TET2: variants seen among roughly 807,000 people sequenced by gnomAD.
TET2 encodes methylcytosine dioxygenase TET2.
In TET2, 299 loss-of-function variants were observed where a neutral mutation model predicts 142.9. The ratio of observed to expected loss-of-function variants is 2.09; its 90% CI spans 1.90 to 2.30. The LOEUF is 2.30. TET2 is among the 30% of genes most tolerant of loss of function. The probability of loss-of-function intolerance (pLI) is 0.00; values close to 1 mark genes in which losing one functional copy is unlikely to be tolerated. For missense variants in TET2, 2,418 were observed against 2,378.0 expected, an observed-to-expected ratio of 1.02 and a Z score of -0.35; for synonymous variants, 819 against 849.0, an observed-to-expected ratio of 0.96 and a Z score of 0.61.
At chr4:105,245,166 G>C (rs1422286454) in intron 6 of TET2, among the ~76,000 whole-genome samples, 2 of 152,086 alleles carry the variant, frequency 1.3e-5, no homozygotes, top group African/African-American at 2.4e-5. Flanking sequence ...CTTTAGAAAA[G>C]TTACTCTTTC....
At chr4:105,188,413 A>G (rs1725587692) in intron 1 of TET2, among the ~76,000 whole-genome samples, 1 of 152,196 alleles carries the variant, frequency 6.6e-6, no homozygotes, top group African/African-American at 2.4e-5. Context: ...ATTTCTGTTT[A>G]GGAAGATGAA....
intron 2 of TET2, among the ~76,000 whole-genome samples, chr4:105,217,957 A>T (rs1727592775): frequency 6.6e-6 from 1 of 152,102 alleles, no homozygotes; most frequent in Non-Finnish European, 1.5e-5. Flanking sequence ...TCAAAAATTC[A>T]GAAACCCAAT....
In TET2 at chr4:105,188,067, C is replaced by A. The variant is rs1048477353; in HGVS notation, c.-192-2293C>A. On this transcript the variant is annotated intron_variant, in intron 1 of 10. Transcript: ENST00000380013. ...ACAAAAACTTATAAACATTGTATAT[C>A]CATGTTTGTTGCAGCATTATTCACA... Among the ~76,000 whole-genome samples, 3 of 152,136 alleles carry A rather than the reference C, an allele frequency of 2.0e-5. 1 individual carries two copies. The South Asian group carries it at 6.2e-4, about 32-fold the overall frequency.
rs1728744975 is a variant in TET2, at chr4:105,234,885, T to TA, written c.943_944insA (p.Ser315TyrfsTer16). 1 of 1,613,992 alleles carries TA rather than the reference T, an allele frequency of 6.2e-7. No individual in the cohort carries two copies. Among genetic ancestry groups the TA allele is most frequent in the Admixed American group, 1.7e-5 (1 of 59,994 alleles). On this transcript the variant is annotated frameshift_variant, in exon 3 of 11. Transcript: ENST00000380013. LOFTEE classifies it high-confidence loss of function. ...ACTAGCTGCAATGCTAAATACCTGT[T>TA]CCTTTCAGAAACCAGAACAACTACA...
chr4:105,197,971 T>C (rs1726189083), intron 2 of TET2, among the ~76,000 whole-genome samples: 1 of 152,218 alleles, frequency 6.6e-6, no homozygotes, highest in Admixed American at 6.5e-5. Flanking sequence ...TGATGTTTAT[T>C]TTATTAGTAA....
chr4:105,206,888 G>A (rs1726856197), intron 2 of TET2, among the ~76,000 whole-genome samples: 1 of 152,040 alleles, frequency 6.6e-6, no homozygotes. Flanking sequence ...CTGCTTTCAA[G>A]GAAATTTAAA....
chr4:105,163,559 A>T (rs1357800327), intron 1 of TET2, among the ~76,000 whole-genome samples: 1 of 152,150 alleles, frequency 6.6e-6, no homozygotes, highest in East Asian at 1.9e-4. Context: ...TACCATGCTA[A>T]GCACTTTCCA....
At chr4:105,212,727 C>T (rs1016431699) in intron 2 of TET2, among the ~76,000 whole-genome samples, 6 of 152,102 alleles carry the variant, frequency 3.9e-5, no homozygotes, top group South Asian at 2.1e-4. Context: ...CGGTAGCTCA[C>T]GCCTGTAATC....
rs929296860 is a variant in TET2 at position 105,146,964 on chromosome 4, G to A, written c.-208G>A. 1.3e-5 allele frequency: 2 copies of A among 152,324 alleles called. No individual in the cohort carries two copies. The highest frequency in any genetic ancestry group is 2.9e-5 in the Non-Finnish European group (2 of 68,084). The allele number at this position is 152,324 out of a possible 1,614,324, so 9.4% of individuals were successfully genotyped here. A position where few individuals can be genotyped will look rare whatever the true frequency, so the allele number is the denominator to read the frequency against. On this transcript the variant is annotated 5_prime_UTR_variant, in exon 1 of 11. Coordinates refer to ENST00000380013, the MANE Select transcript of TET2 (RefSeq NM_001127208.3). Reference sequence around the variant, plus strand: ...GCAACTGCTGGATTGCTGCAAGGCTGAGGGACGAGAACGAGGTCAGAGCGC... The same window carrying A: ...GCAACTGCTGGATTGCTGCAAGGCTAAGGGACGAGAACGAGGTCAGAGCGC...
chr4:105,272,949 A>G, intron 10 of TET2, 31 bp downstream of exon 10: 1 of 1,470,214 alleles, frequency 6.8e-7, no homozygotes, highest in East Asian at 2.5e-5. Flanking sequence ...TTGTAGATAA[A>G]TGTGTTGTGT....
intron 10 of TET2, 39 bp from the exon 11 acceptor site, chr4:105,275,008 CA>C (rs749349795): frequency 1.4e-5 from 21 of 1,464,180 alleles, no homozygotes; most frequent in Non-Finnish European, 2.7e-6. Context: ...TCATCAACAT[CA>C]AAGATACCTG....
chr4:105,173,400 G>C (rs1257430483), intron 1 of TET2, among the ~76,000 whole-genome samples: 2 of 151,844 alleles, frequency 1.3e-5, no homozygotes, highest in Admixed American at 6.6e-5. Context: ...CGGCATGGTG[G>C]TGTGCTCCCG....
intron 9 of TET2, among the ~76,000 whole-genome samples, chr4:105,271,914 A>C (rs2110304641): frequency 6.6e-6 from 1 of 152,326 alleles, no homozygotes; most frequent in Admixed American, 6.5e-5. Flanking sequence ...AATGAAGAAA[A>C]GAGAAAGTTA....
At chr4:105,149,819 T>C (rs755235033) in intron 1 of TET2, among the ~76,000 whole-genome samples, 10 of 152,168 alleles carry the variant, frequency 6.6e-5, no homozygotes, top group Non-Finnish European at 1.2e-4. Flanking sequence ...TTGATATGAT[T>C]TTGAGGCAGT....
Position 105,275,951 on chromosome 4 carries a change from G to T in TET2, c.5441G>T (p.Gly1814Val). The T allele has an allele frequency of 6.4e-7, 1 of 1,551,882 alleles. No individual in the cohort carries two copies. The highest frequency in any genetic ancestry group is 8.7e-7 in the Non-Finnish European group (1 of 1,147,012). The change falls in exon 11 of 11, where the codon GGA becomes GTA. Residue 1814 changes from glycine (G) to valine (V), a missense_variant. Physicochemically the swap from Gly to Val is moderately radical, Grantham distance 109 (BLOSUM62 -3). Transcript: ENST00000380013. Reference sequence around the variant, plus strand: ...CATGATAGAACTGCTTGTGTCCAAGGAGGCTTACACAAATTAAGTGATGCT... The same window carrying T: ...CATGATAGAACTGCTTGTGTCCAAGTAGGCTTACACAAATTAAGTGATGCT... ...LNHDRTACVQGGLHKLSDANG... is the reference protein window; with the variant it reads ...LNHDRTACVQVGLHKLSDANG...
rs1286275438 is a variant in TET2 at position 105,236,242 on chromosome 4, A to G, written c.2300A>G (p.Asn767Ser). The G allele has an allele frequency of 6.2e-7, 1 of 1,614,112 alleles. No individual in the cohort carries two copies. Among genetic ancestry groups the G allele is most frequent in the South Asian group, 1.1e-5 (1 of 91,082 alleles). ...ACTTTTCCTCACCCCCAAAGCAACA[A>G]TGATCAGCAAAGAGAAGGATCATTC... Reference protein sequence around the residue: ...LQTFPHPQSNNDQQREGSFFG... With the variant: ...LQTFPHPQSNSDQQREGSFFG... The change falls in exon 3 of 11, where the codon AAT (asparagine) becomes AGT (serine). Residue 767 changes from asparagine to serine, a missense_variant. Asn to Ser is a conservative substitution (Grantham distance 46). Transcript: ENST00000380013.
intron 8 of TET2, among the ~76,000 whole-genome samples, chr4:105,264,119 G>A (rs75392046): frequency 4.2e-5 from 6 of 142,542 alleles, no homozygotes; most frequent in South Asian, 4.4e-4. Context: ...TTTTTTTTTG[G>A]TTCGAACAAT....
chr4:105,258,916 A>G (rs561394301), intron 6 of TET2, among the ~76,000 whole-genome samples: 1 of 152,310 alleles, frequency 6.6e-6, no homozygotes, highest in South Asian at 2.1e-4. Flanking sequence ...ATGCCCATCA[A>G]TGGTAGAATA....
In TET2 at chr4:105,275,819, C is replaced by T. The variant is rs556077207; in HGVS notation, c.5309C>T (p.Pro1770Leu). 27 of 1,551,692 alleles carry T rather than the reference C, an allele frequency of 1.7e-5. 1 individual carries two copies. The highest frequency in any genetic ancestry group is 1.7e-4 in the Middle Eastern group (1 of 5,992). Reference protein sequence around the residue: ...SHIIHNYSAAPGMFNSSLHAL... With the variant: ...SHIIHNYSAALGMFNSSLHAL... ...ATAATCCATAACTACAGTGCAGCTCCGGGCATGTTCAACAGCTCTCTTCAT... is the reference window on the plus strand; with the variant it reads ...ATAATCCATAACTACAGTGCAGCTCTGGGCATGTTCAACAGCTCTCTTCAT... The change falls in exon 11 of 11, where the codon CCG becomes CTG. Residue 1770 changes from proline (P) to leucine (L), a missense_variant. By Grantham distance (98) the Pro-to-Leu change is moderately conservative. Coordinates refer to ENST00000380013, the MANE Select transcript of TET2 (RefSeq NM_001127208.3).
Sources: gnomAD v4.1 joint callset for allele counts (sites outside exome capture counted in the v4.1 genomes callset) on GRCh38, gnomAD v4.1.1 for gene constraint, MANE v1.5 for transcripts, NCBI Gene and HGNC (gene_info 2026-07-23, HGNC 2026-07-21) for gene names.